The following COL15A1 variants were observed in gnomAD, a reference collection of about 807,000 sequenced individuals.
COL15A1 encodes the protein collagen alpha-1(XV) chain.
COL15A1 carries 111 observed loss-of-function variants against 165.9 expected under a neutral mutation model. The ratio of observed to expected loss-of-function variants is 0.67; its 90% confidence interval spans 0.57 to 0.78. COL15A1 has a LOEUF of 0.78. Ranked by LOEUF, COL15A1 falls within the 30% of genes least tolerant of loss-of-function variation. The pLI is 0.00. For synonymous variants in COL15A1, 659 were observed against 674.8 expected (o/e 0.98, Z 0.36); for missense variants, 1,745 against 1,789.7 (o/e 0.98, Z 0.45).
intron 28 of COL15A1, among the ~76,000 whole-genome samples, chr9:99,048,717 G>A (rs539170413): frequency 3.6e-4 from 39 of 108,206 alleles, no homozygotes; most frequent in African/African-American, 1.4e-3. Flanking sequence ...AACAGTCCCC[G>A]GAGTGTGATG....
chr9:99,001,318 T>C lies in COL15A1; in HGVS notation c.1065+367T>C, dbSNP rs145133887. 6.6e-5 allele frequency among the ~76,000 whole-genome samples: 10 copies of C among 152,336 alleles called. No homozygotes were observed. The East Asian group carries it at 1.7e-3, about 26-fold the overall frequency. The stretch of plus-strand genomic sequence containing the variant: ...ATCAGATTAACTGCAGGTGTGTTCA[T>C]GCTATTGTTTGGTAATTGGCTTTTA... On this transcript the variant is annotated intron_variant, in intron 7 of 41. Coordinates refer to ENST00000375001, the MANE Select transcript of COL15A1 (RefSeq NM_001855.5).
At chr9:98,996,070 A>G (rs10988510) in intron 5 of COL15A1, among the ~76,000 whole-genome samples, 17,707 of 152,232 alleles carry the variant, frequency 0.12, 1,208 homozygotes, top group East Asian at 0.28. Flanking sequence ...TTTTTGATTT[A>G]CTAGATTCTG....
rs766578578 is a variant in COL15A1, at chr9:99,062,247, G to A, written c.3534G>A (p.Leu1178=). The change falls in exon 38 of 42, where the codon CTG becomes CTA. Residue 1178 remains leucine, a splice_region_variant and synonymous_variant. Transcript: ENST00000375001. ...TCAATGTACTGTTTTTCTTAAAGCT[G>A]GGAGAACTGATCCCCATTCCTGCCG... ...RVRDGWKKLQ[L]GELIPIPADS... 3.7e-6 allele frequency: 6 copies of A among 1,613,238 alleles called. No individual in the cohort carries two copies. In the East Asian group the frequency reaches 1.3e-4, roughly 36 times the overall value.
intron 16 of COL15A1, among the ~76,000 whole-genome samples, chr9:99,029,584 T>C (rs902413930): frequency 6.6e-6 from 1 of 152,220 alleles, no homozygotes; most frequent in African/African-American, 2.4e-5. Context: ...TCTTCTTTCA[T>C]TATCAGAAGT....
At position 99,047,837 on chromosome 9, in the gene COL15A1, C is replaced by T; in HGVS notation, c.2731C>T (p.Pro911Ser). ...HKGEFGLPGR[P>S]GRPGLNGLKG... ...AGGAGAATTTGGCCTTCCCGGGCGA[C>T]CTGTAGGTATCAGTGTTCATTGGAC... Residue 911 changes from proline to serine, a missense_variant and splice_region_variant, in exon 27 of 42, where the codon CCT becomes TCT. By Grantham distance (74) the Pro-to-Ser change is moderately conservative. Coordinates refer to ENST00000375001, the MANE Select transcript of COL15A1 (RefSeq NM_001855.5). 1 of 1,613,856 alleles carries T rather than the reference C, an allele frequency of 6.2e-7. No homozygotes were observed. Among genetic ancestry groups the T allele is most frequent in the Non-Finnish European group, 8.5e-7 (1 of 1,179,908 alleles).
intron 14 of COL15A1, among the ~76,000 whole-genome samples, chr9:99,024,446 G>A (rs1299537991): frequency 3.9e-5 from 6 of 151,930 alleles, no homozygotes; most frequent in East Asian, 1.9e-4. Context: ...CACCACGCCC[G>A]GCTAATTTTT....
chr9:98,963,092 T>C (rs909556075), intron 2 of COL15A1, among the ~76,000 whole-genome samples: 1 of 152,230 alleles, frequency 6.6e-6, no homozygotes, highest in Non-Finnish European at 1.5e-5. Flanking sequence ...TGCATATGCA[T>C]GTGGGAGGCT....
At chr9:98,999,857 GTT>G (rs201063548) in intron 6 of COL15A1, among the ~76,000 whole-genome samples, 26,087 of 133,914 alleles carry the variant, frequency 0.19, 2,578 homozygotes, top group African/African-American at 0.32. Context: ...ATCCATTTGC[GTT>G]TTTTTTTTTT....
At chr9:99,062,898 G>A (rs1329242208) in intron 38 of COL15A1, 152 bp from the exon 39 acceptor site, 2 of 885,108 alleles carry the variant, frequency 2.3e-6, no homozygotes, top group Non-Finnish European at 3.2e-6. Context: ...AGCAGGTCAT[G>A]AAACTCTTTA....
chr9:98,979,047 CT>C (rs1838188873), intron 2 of COL15A1, among the ~76,000 whole-genome samples: 1 of 152,050 alleles, frequency 6.6e-6, no homozygotes, highest in Non-Finnish European at 1.5e-5. Flanking sequence ...CATATTAGTA[CT>C]TAAGGAATCA....
chr9:98,974,142 C>T (rs998194139), intron 2 of COL15A1, among the ~76,000 whole-genome samples: 2 of 152,144 alleles, frequency 1.3e-5, no homozygotes, highest in African/African-American at 2.4e-5. Context: ...GTTGCAGGGG[C>T]GGTTGCCTCA....
rs766897523 is a variant in COL15A1, at chr9:99,069,847, A to G, written c.4128A>G (p.Leu1376=). Residue 1376 remains leucine (L), a synonymous_variant, in exon 42 of 42, where the codon CTA becomes CTG. Transcript: ENST00000375001. ...GCTGTGCTAATCGGCTAATTGTCCT[A>G]TGTATCGAAAACAGTTTCATGACAG... ...AYSCANRLIV[L]CIENSFMTDA... is the part of the protein sequence containing the mutation. 2.5e-6 allele frequency: 4 copies of G among 1,613,878 alleles called. No homozygotes were observed. Among genetic ancestry groups the G allele is most frequent in the Admixed American group, 3.3e-5 (2 of 60,000 alleles).
chr9:98,993,067 G>A lies in COL15A1; in HGVS notation c.804+3809G>A, dbSNP rs148770689. ...GGTGCATATCAGAGTTCCACCAAGC[G>A]TGAATCCCAGCTCTGCCACTTACTA... On this transcript the variant is annotated intron_variant, in intron 5 of 41. Coordinates refer to ENST00000375001, the MANE Select transcript of COL15A1 (RefSeq NM_001855.5). 2.2e-3 allele frequency among the ~76,000 whole-genome samples: 332 copies of A among 152,276 alleles called. 1 individual carries two copies. The highest frequency in any genetic ancestry group is 7.4e-3 in the African/African-American group (308 of 41,566).
At chr9:99,032,712 C>T (rs1839227852) in intron 16 of COL15A1, among the ~76,000 whole-genome samples, 1 of 152,182 alleles carries the variant, frequency 6.6e-6, no homozygotes, top group African/African-American at 2.4e-5. Flanking sequence ...CTTTGTCATT[C>T]TGTCTAGGTC....
chr9:98,985,661 C>A lies in COL15A1; in HGVS notation c.197C>A (p.Ala66Asp). The A allele has an allele frequency of 6.2e-7, 1 of 1,614,248 alleles. No homozygotes were observed. The highest frequency in any genetic ancestry group is 8.5e-7 in the Non-Finnish European group (1 of 1,180,042). ...GTCACAGGCTATGGTGGCTTCCCGG[C>A]CTACAGTTTCGGGCCTGGTGCCAAT... ...SFVTGYGGFP[A>D]YSFGPGANVG... The change falls in exon 3 of 42, where the codon GCC becomes GAC. Residue 66 changes from alanine (A) to aspartate (D), a missense_variant. Physicochemically the swap from Ala to Asp is moderately radical, Grantham distance 126. Transcript: ENST00000375001.
chr9:98,959,485 T>A (rs1223080897), intron 2 of COL15A1, among the ~76,000 whole-genome samples: 1 of 152,112 alleles, frequency 6.6e-6, no homozygotes, highest in Non-Finnish European at 1.5e-5. Flanking sequence ...TAAACTGAGC[T>A]GCATACCATT....
rs746669181 is a variant in COL15A1 at position 98,987,367 on chromosome 9, C to T, written c.722C>T (p.Ser241Leu). The change falls in exon 4 of 42, where the codon TCG becomes TTG. Residue 241 changes from serine to leucine, a missense_variant and splice_region_variant. Transcript: ENST00000375001. The part of the protein sequence containing the change: ...PEELCDPEES[S>L]ASGETSGLQE... ...GAGCTGTGTGACCCTGAAGAGTCCT[C>T]GGTGAGCTCCCCTACTATCCCACAG... The T allele has an allele frequency of 4.3e-5, 69 of 1,609,788 alleles. No homozygotes were observed. The highest frequency in any genetic ancestry group is 5.5e-5 in the Non-Finnish European group (65 of 1,178,042).
intron 2 of COL15A1, among the ~76,000 whole-genome samples, chr9:98,977,483 G>A (rs1465541796): frequency 2.6e-5 from 4 of 152,250 alleles, no homozygotes; most frequent in African/African-American, 9.6e-5. Context: ...CCCAGGCGCA[G>A]CCGCGAGTGA....
intron 2 of COL15A1, among the ~76,000 whole-genome samples, chr9:98,983,474 A>G (rs920137493): frequency 5.1e-4 from 78 of 152,376 alleles, no homozygotes; most frequent in African/African-American, 1.9e-3. Flanking sequence ...TACCAGCTGC[A>G]TAACCTCGGG....
Sources: gnomAD v4.1 joint callset for allele counts (sites outside exome capture counted in the v4.1 genomes callset) on GRCh38, gnomAD v4.1.1 for gene constraint, MANE v1.5 for transcripts, NCBI Gene and HGNC (gene_info 2026-07-23, HGNC 2026-07-21) for gene names.